The following RPL27 variants were observed in gnomAD, a reference collection of about 807,000 sequenced individuals.
The protein encoded by RPL27 is ribosomal protein L27.
For synonymous variants in RPL27, 77 were observed against 61.0 expected, an observed-to-expected ratio of 1.26 and a Z score of -1.22; for missense variants, 131 against 174.3, an observed-to-expected ratio of 0.75 and a Z score of 1.40.
Position 42,999,999 on chromosome 17 carries a change from C to G in RPL27, c.148C>G (p.Pro50Ala), listed in dbSNP as rs755200445. The stretch of plus-strand genomic sequence containing the variant: ...TCTGGTGGCTGGAATTGACCGCTAC[C>G]CCCGCAAAGTGACAGCTGCCATGGG... ...HALVAGIDRY[P>A]RKVTAAMGKK... is the part of the protein sequence containing the mutation. The change falls in exon 3 of 5, where the codon CCC (proline) becomes GCC (alanine). Residue 50 changes from proline (P) to alanine (A), a missense_variant. Physicochemically the swap from Pro to Ala is conservative, Grantham distance 27 (BLOSUM62 -1). Transcript: ENST00000253788. 1 of 1,612,364 alleles carries G rather than the reference C, an allele frequency of 6.2e-7. No homozygotes were observed.
At chr17:43,001,194 A>G (rs2050358034) in intron 3 of RPL27, among the ~76,000 whole-genome samples, 1 of 151,712 alleles carries the variant, frequency 6.6e-6, no homozygotes, top group South Asian at 2.1e-4. Flanking sequence ...CAGGGAGCCG[A>G]GATCACACCA....
chr17:42,998,828 G>T lies in RPL27; in HGVS notation c.78G>T (p.Val26=). ...ACTCCGGACGCAAAGCTGTCATCGT[G>T]AAGGTATCAGCCTCGCGGGACTCTG... The part of the protein sequence containing the change: ...GRYSGRKAVI[V]KNIDDGTSDR... The change falls in exon 2 of 5, where the codon GTG becomes GTT. Residue 26 remains valine (V), a synonymous_variant. Transcript: ENST00000253788. 1 of 1,613,550 alleles carries T rather than the reference G, an allele frequency of 6.2e-7. No homozygotes were observed. Among genetic ancestry groups the T allele is most frequent in the Non-Finnish European group, 8.5e-7 (1 of 1,179,544 alleles).
intron 3 of RPL27, among the ~76,000 whole-genome samples, chr17:43,002,272 A>C (rs546136677): frequency 6.6e-6 from 1 of 151,114 alleles, no homozygotes; most frequent in Non-Finnish European, 1.5e-5. Context: ...TTGGGAGGCC[A>C]AGGCGGGCGG....
chr17:42,998,483 C>A lies in RPL27; in HGVS notation c.-3+12C>A. The A allele has an allele frequency of 2.9e-6, 1 of 349,778 alleles. No homozygotes were observed. The highest frequency in any genetic ancestry group is 3.1e-5 in the South Asian group (1 of 32,632). 21.7% of individuals were successfully genotyped at this position (349,778 alleles called of 1,614,324 possible). ...GGTGGTTGCTGCCGGTAAGTAGAAG[C>A]TTGGGTTGAATCTTTCAATCCGCTG... On this transcript the variant is annotated intron_variant, in intron 1 of 4. Coordinates refer to ENST00000253788, the MANE Select transcript of RPL27 (RefSeq NM_000988.5).
In RPL27 at chr17:43,002,902, C is replaced by G; in HGVS notation, c.393C>G (p.Phe131Leu). Residue 131 changes from phenylalanine to leucine, a missense_variant, in exon 5 of 5, where the codon TTC becomes TTG. By Grantham distance (22) the Phe-to-Leu change is conservative (BLOSUM62 0). Coordinates refer to ENST00000253788, the MANE Select transcript of RPL27 (RefSeq NM_000988.5). ...RYKTGKNKWF[F>L]QKLRF ...AGACAGGCAAGAACAAGTGGTTCTT[C>G]CAGAAACTGCGGTTTTAGATGCTTT... 6.2e-7 allele frequency: 1 copy of G among 1,613,586 alleles called. No homozygotes were observed. The highest frequency in any genetic ancestry group is 8.5e-7 in the Non-Finnish European group (1 of 1,179,584).
rs1407065357 is a variant in RPL27, at chr17:42,999,938, T to C, written c.87T>C (p.Ile29=). The part of the protein sequence containing the change: ...SGRKAVIVKN[I]DDGTSDRPYS... ...TGTAATTCTTACTCATTTAGAACAT[T>C]GATGATGGCACCTCAGATCGCCCCT... Residue 29 remains isoleucine, a synonymous_variant, in exon 3 of 5, where the codon ATT becomes ATC. Transcript: ENST00000253788. 4 of 1,611,510 alleles carry C rather than the reference T, an allele frequency of 2.5e-6. No homozygotes were observed. In the Admixed American group the frequency reaches 5.0e-5, roughly 20 times the overall value.
At position 43,000,222 on chromosome 17, in the gene RPL27, A is replaced by G. The variant is rs536286271; in HGVS notation, c.251+120A>G. The stretch of plus-strand genomic sequence containing the variant: ...ATCATTTCCAAAATGTTCATCTTCA[A>G]CTCATAAAGTGGCTATGGTTTCCAG... On this transcript the variant is annotated intron_variant, in intron 3 of 4. Transcript: ENST00000253788. 130 of 771,412 alleles carry G rather than the reference A, an allele frequency of 1.7e-4. No homozygotes were observed. The African/African-American group carries it at 2.2e-3, about 13-fold the overall frequency. 47.8% of individuals were successfully genotyped at this position (771,412 alleles called of 1,614,324 possible).
At chr17:43,002,845 T>C (rs781670186) in intron 4 of RPL27, 27 bp from the exon 5 acceptor site, 16 of 1,611,486 alleles carry the variant, frequency 9.9e-6, no homozygotes, top group Non-Finnish European at 1.4e-5. Flanking sequence ...CCTTTCCTCA[T>C]TGGTGTCCTC....
chr17:43,000,663 C>T (rs1296146620), intron 3 of RPL27, among the ~76,000 whole-genome samples: 1 of 145,252 alleles, frequency 6.9e-6, no homozygotes, highest in Non-Finnish European at 1.5e-5. Context: ...CCAGGATGGT[C>T]TCGATCTCCT....
At chr17:42,998,303 T>G (rs2151964246), upstream of RPL27, 1 of 155,932 alleles carries the variant, frequency 6.4e-6, no homozygotes, top group South Asian at 1.6e-4. Flanking sequence ...GCGCCCTGCG[T>G]TTCCCTCATG....
intron 2 of RPL27, chr17:42,999,668 C>A (rs1412825775): frequency 2.9e-5 from 12 of 411,156 alleles, no homozygotes; most frequent in Non-Finnish European, 5.4e-5. Flanking sequence ...CAGTGCTTGG[C>A]ATATAGCAAG....
chr17:42,998,911 AG>A lies in RPL27; in HGVS notation c.81+82del, dbSNP rs770249179. 4 of 1,172,228 alleles carry A rather than the reference AG, an allele frequency of 3.4e-6. No homozygotes were observed. The South Asian group carries it at 5.0e-5, about 15-fold the overall frequency. The allele number at this position is 1,172,228 out of a possible 1,614,324, so 72.6% of individuals were successfully genotyped here. Reference sequence around the variant, plus strand: ...GCGGGGCGGGCAGGCTTGGAATTCAAGGCCTGTTTCTGGGGCAGTAGCCAGT... The same window carrying A: ...GCGGGGCGGGCAGGCTTGGAATTCAAGCCTGTTTCTGGGGCAGTAGCCAGT... On this transcript the variant is annotated intron_variant, in intron 2 of 4. Coordinates refer to ENST00000253788, the MANE Select transcript of RPL27 (RefSeq NM_000988.5).
rs1222345143 is a variant in RPL27 at position 43,002,786 on chromosome 17, A to G, written c.362+3A>G. ...GCCAAGGTCAAGTTTGAAGAGAGGT[A>G]AGTAGGCTTTGGTAGTGAATGGTGG... is the stretch of plus-strand genomic sequence containing the variant. On this transcript the variant is annotated splice_donor_region_variant and intron_variant, in intron 4 of 4. Transcript: ENST00000253788. 2.5e-6 allele frequency: 4 copies of G among 1,610,076 alleles called. No homozygotes were observed. Among genetic ancestry groups the G allele is most frequent in the African/African-American group, 2.7e-5 (2 of 74,858 alleles).
rs113979325 is a variant in RPL27, at chr17:43,000,167, C to T, written c.251+65C>T. 8.7e-6 allele frequency: 11 copies of T among 1,266,056 alleles called. 2 individuals carry two copies. Among genetic ancestry groups the T allele is most frequent in the African/African-American group, 4.4e-5 (3 of 67,738 alleles). The allele number at this position is 1,266,056 out of a possible 1,614,324, so 78.4% of individuals were successfully genotyped here. On this transcript the variant is annotated intron_variant, in intron 3 of 4. Transcript: ENST00000253788. ...TGCTCTGTTGAATAATGAGACAGAC[C>T]TTGCAGCCATTCCAACACCAGGAAG... is the stretch of plus-strand genomic sequence containing the variant.
intron 3 of RPL27, among the ~76,000 whole-genome samples, chr17:43,000,933 C>T (rs761704745): frequency 2.6e-5 from 4 of 151,954 alleles, no homozygotes; most frequent in Non-Finnish European, 4.4e-5. Context: ...CCTGTAATCC[C>T]AGCTATTTGG....
intron 3 of RPL27, 149 bp from the exon 4 acceptor site, chr17:43,002,524 A>G (rs2050375407): frequency 1.7e-6 from 1 of 605,522 alleles, no homozygotes; most frequent in South Asian, 2.0e-5. Context: ...AAAAAGTGTG[A>G]ATTTTCAGAT....
intron 3 of RPL27, 89 bp from the exon 4 acceptor site, chr17:43,002,584 C>T (rs993900015): frequency 1.2e-5 from 9 of 743,876 alleles, no homozygotes; most frequent in Admixed American, 1.9e-5. Context: ...GAGTCAGACC[C>T]TGATTCCCTA....
upstream of RPL27, chr17:42,998,333 A>C (rs1474883716): frequency 3.8e-5 from 6 of 156,258 alleles, no homozygotes; most frequent in African/African-American, 1.4e-4. Context: ...CGCCCGCAAC[A>C]CGAGACTCAG....
rs758073004 is a variant in RPL27 at position 43,002,947 on chromosome 17, A to G, written c.*27A>G. ...TGCTTTGTTTTGATCATTAAAAATT[A>G]TAAAGAAAAAAAGCCTGTGTCTGCA... On this transcript the variant is annotated 3_prime_UTR_variant, in exon 5 of 5. Transcript: ENST00000253788. 57 of 1,571,982 alleles carry G rather than the reference A, an allele frequency of 3.6e-5. No individual in the cohort carries two copies. The highest frequency in any genetic ancestry group is 4.9e-5 in the Non-Finnish European group (56 of 1,143,240).
Sources: allele counts gnomAD v4.1 joint callset (sites outside exome capture counted in the v4.1 genomes callset), GRCh38; gene constraint gnomAD v4.1.1; transcripts MANE v1.5; gene names NCBI Gene and HGNC (gene_info 2026-07-23, HGNC 2026-07-21).